The following SUFU variants were observed in gnomAD, a reference collection of about 807,000 sequenced individuals.
SUFU encodes SUFU negative regulator of hedgehog signaling, also known as suppressor of fused homolog.
A neutral mutation model predicts 58.9 loss-of-function variants in SUFU; 7 were observed. The ratio of observed to expected loss-of-function variants is 0.12; its 90% CI spans 0.07 to 0.22. The LOEUF (loss-of-function observed/expected upper bound fraction) is 0.22. Among genes scored for constraint, SUFU ranks in the 10% least tolerant of loss-of-function variants. The pLI is 1.00. For missense variants in SUFU, 451 were observed against 641.3 expected, an observed-to-expected ratio of 0.70 and a Z score of 3.20; for synonymous variants, 232 against 254.8, an observed-to-expected ratio of 0.91 and a Z score of 0.85.
intron 2 of SUFU, among the ~76,000 whole-genome samples, chr10:102,525,350 T>A (rs960350162): frequency 7.2e-5 from 11 of 151,976 alleles, no homozygotes; most frequent in Non-Finnish European, 1.6e-4. Context: ...CCTTAAGTGA[T>A]CTGCCCACAT....
At chr10:102,597,106 A>G (rs2063470563) in intron 6 of SUFU, 34 bp from the exon 7 acceptor site, 1 of 1,613,832 alleles carries the variant, frequency 6.2e-7, no homozygotes, top group South Asian at 1.1e-5. Flanking sequence ...CAGTTCTCTG[A>G]AAGAACTCTG....
At chr10:102,558,546 T>C (rs1226210511) in intron 3 of SUFU, among the ~76,000 whole-genome samples, 1 of 152,196 alleles carries the variant, frequency 6.6e-6, no homozygotes, top group Non-Finnish European at 1.5e-5. Context: ...ACATCAGTTC[T>C]GGGGTAGGAC....
intron 3 of SUFU, among the ~76,000 whole-genome samples, chr10:102,571,435 TG>T (rs1337871254): frequency 6.6e-6 from 1 of 152,042 alleles, no homozygotes; most frequent in Non-Finnish European, 1.5e-5. Context: ...GAGGCTGAGG[TG>T]GGTGGATCAC....
At chr10:102,503,253 C>T (rs1381645837), upstream of SUFU, among the ~76,000 whole-genome samples, 1 of 152,182 alleles carries the variant, frequency 6.6e-6, no homozygotes, top group Non-Finnish European at 1.5e-5. Context: ...ATAAAATTAG[C>T]TTTAAGTTTA....
chr10:102,578,985 A>G (rs2063245258), intron 3 of SUFU, among the ~76,000 whole-genome samples: 1 of 152,176 alleles, frequency 6.6e-6, no homozygotes, highest in South Asian at 2.1e-4. Context: ...CTCAGTTACA[A>G]GCTTGTGGGC....
Position 102,612,095 on chromosome 10 carries a change from C to T in SUFU, c.1023-3173C>T, listed in dbSNP as rs1025945270. Among the ~76,000 whole-genome samples the T allele has an allele frequency of 8.5e-4, 130 of 152,226 alleles. 2 individuals are homozygous for T. Among genetic ancestry groups the T allele is most frequent in the Admixed American group, 8.5e-3 (130 of 15,288 alleles). Reference sequence around the variant, plus strand: ...TGTGTCGGCTGCAGATTTAATACCTCACCTAGCCCACACAAATAATTCATG... The same window carrying T: ...TGTGTCGGCTGCAGATTTAATACCTTACCTAGCCCACACAAATAATTCATG... On this transcript the variant is annotated intron_variant, in intron 8 of 11. Coordinates refer to ENST00000369902, the MANE Select transcript of SUFU (RefSeq NM_016169.4).
chr10:102,630,806 CCACCAGAGAAGGTGCTT>C lies in SUFU; in HGVS notation c.*652_*668del, dbSNP rs1433399477. 11 of 238,526 alleles carry C rather than the reference CCACCAGAGAAGGTGCTT, an allele frequency of 4.6e-5. No homozygotes were observed. The highest frequency in any genetic ancestry group is 2.4e-4 in the African/African-American group (11 of 45,380). 14.8% of individuals were successfully genotyped at this position (238,526 alleles called of 1,614,324 possible). A position where few individuals can be genotyped will look rare whatever the true frequency, so the allele number is the denominator to read the frequency against. ...TAGGGCTGTATCTCTCCCTGGGCTG[CCACCAGAGAAGGTGCTT>C]GGTGTTCGCCTGCCAGCCCAGAGCC... On this transcript the variant is annotated 3_prime_UTR_variant, in exon 12 of 12. Transcript: ENST00000369902.
chr10:102,521,895 A>C (rs187883682), intron 2 of SUFU, among the ~76,000 whole-genome samples: 123 of 152,336 alleles, frequency 8.1e-4, no homozygotes, highest in African/African-American at 2.8e-3. Flanking sequence ...TGGGAATTAG[A>C]AATGGGAGAA....
At chr10:102,578,065 T>C (rs1027095755) in intron 3 of SUFU, among the ~76,000 whole-genome samples, 6 of 146,106 alleles carry the variant, frequency 4.1e-5, no homozygotes, top group Non-Finnish European at 9.0e-5. Flanking sequence ...CCCAGTACTT[T>C]GGGAGGCCGA....
intron 3 of SUFU, among the ~76,000 whole-genome samples, chr10:102,568,038 A>G (rs1203461479): frequency 6.6e-6 from 1 of 152,072 alleles, no homozygotes; most frequent in African/African-American, 2.4e-5. Context: ...CACTCACATC[A>G]CACATTCATT....
chr10:102,560,836 A>G (rs142365693), intron 3 of SUFU, among the ~76,000 whole-genome samples: 14 of 151,646 alleles, frequency 9.2e-5, no homozygotes, highest in African/African-American at 2.9e-4. Flanking sequence ...TTACCGAAGT[A>G]TTTCTTTTTT....
intron 2 of SUFU, among the ~76,000 whole-genome samples, chr10:102,535,956 ATGATGATGATGATGT>A (rs2062734784): frequency 6.6e-6 from 1 of 151,620 alleles, no homozygotes; most frequent in Admixed American, 6.6e-5. Flanking sequence ...GATGATGATG[ATGATGATGATGATGT>A]TGTTGATGAT....
At chr10:102,560,478 G>A (rs1254904017) in intron 3 of SUFU, among the ~76,000 whole-genome samples, 2 of 152,160 alleles carry the variant, frequency 1.3e-5, no homozygotes, top group East Asian at 1.9e-4. Context: ...GGGAGGCTGA[G>A]GCACGAGAAT....
At chr10:102,550,509 C>T (rs1044025405) in intron 3 of SUFU, among the ~76,000 whole-genome samples, 7 of 152,186 alleles carry the variant, frequency 4.6e-5, no homozygotes, top group Non-Finnish European at 8.8e-5. Context: ...CTTTTCCCAA[C>T]CTTTTGCTCT....
chr10:102,561,104 A>G (rs1221631963), intron 3 of SUFU, among the ~76,000 whole-genome samples: 1 of 152,200 alleles, frequency 6.6e-6, no homozygotes, highest in Admixed American at 6.5e-5. Flanking sequence ...TGGCCTCCCA[A>G]AGTGCTGGGA....
chr10:102,562,063 G>A (rs931678695), intron 3 of SUFU, among the ~76,000 whole-genome samples: 1 of 152,178 alleles, frequency 6.6e-6, no homozygotes, highest in Non-Finnish European at 1.5e-5. Flanking sequence ...GAGGGACACA[G>A]CCTGCCTCTG....
In SUFU at chr10:102,524,324, C is replaced by CTTTTTTTTTTTTTTTTTTTTTTT. The variant is rs1384276713; in HGVS notation, c.317+15025_317+15026insTTTTTTTTTTTTTTTTTTTTTTT. On this transcript the variant is annotated intron_variant, in intron 2 of 11. Transcript: ENST00000369902. ...CCAGCCTAATTTTTCTTTTTCTTTT[C>CTTTTTTTTTTTTTTTTTTTTTTT]TTTTCTTTTTTTTTTTTTTGAGATG... Among the ~76,000 whole-genome samples, 2 of 119,892 alleles carry CTTTTTTTTTTTTTTTTTTTTTTT rather than the reference C, an allele frequency of 1.7e-5. 1 individual carries two copies. 78.7% of individuals were successfully genotyped at this position (119,892 alleles called of 152,430 possible).
chr10:102,571,441 G>A (rs2063159379), intron 3 of SUFU, among the ~76,000 whole-genome samples: 1 of 152,170 alleles, frequency 6.6e-6, no homozygotes, highest in Non-Finnish European at 1.5e-5. Flanking sequence ...GAGGTGGGTG[G>A]ATCACTTGAG....
At chr10:102,564,057 G>A (rs2063065018) in intron 3 of SUFU, among the ~76,000 whole-genome samples, 1 of 152,222 alleles carries the variant, frequency 6.6e-6, no homozygotes, top group Admixed American at 6.5e-5. Flanking sequence ...GTGCTCAGCA[G>A]CACACCACAG....
Sources: gnomAD v4.1 joint callset for allele counts (sites outside exome capture counted in the v4.1 genomes callset) on GRCh38, gnomAD v4.1.1 for gene constraint, MANE v1.5 for transcripts, NCBI Gene and HGNC (gene_info 2026-07-23, HGNC 2026-07-21) for gene names.